Variants in SELENOK observed in about 807,000 individuals in gnomAD.
SELENOK encodes the protein selenoprotein K.
SELENOK carries 11 observed loss-of-function variants against 17.3 expected under a neutral mutation model. That is an observed-to-expected ratio of 0.63 (90% CI 0.40 to 1.05). SELENOK has a LOEUF of 1.05. Among genes scored for constraint, SELENOK ranks in the 50% least tolerant of loss-of-function variants. The pLI is 0.00. For missense variants in SELENOK, 125 were observed against 113.9 expected (o/e 1.10, Z -0.44); for synonymous variants, 45 against 35.4 (o/e 1.27, Z -0.97).
chr3:53,891,375 G>T (rs768462758), intron 1 of SELENOK, among the ~76,000 whole-genome samples: 2 of 152,194 alleles, frequency 1.3e-5, no homozygotes, highest in Non-Finnish European at 2.9e-5. Context: ...TGAATGTGAC[G>T]ATAAGCAAAT....
rs748424200 is a variant in SELENOK, at chr3:53,888,402, A to G, written c.101T>C (p.Val34Ala). 15 of 1,610,836 alleles carry G rather than the reference A, an allele frequency of 9.3e-6. No homozygotes were observed. The East Asian group carries it at 2.9e-4, about 31-fold the overall frequency. ...TDFFWGIAEF[V>A]VLFFKTLLQQ... ...GCTCTTCTATACTTACAACAAAACC[A>G]CAAACTCAGCTATTCCCCAGAAGAA... The change falls in exon 2 of 5, where the codon GTG (valine) becomes GCG (alanine). Residue 34 changes from valine (V) to alanine (A), a missense_variant. Physicochemically the swap from Val to Ala is moderately conservative, Grantham distance 64. Coordinates refer to ENST00000495461, the MANE Select transcript of SELENOK (RefSeq NM_021237.5).
rs1700130765 is a variant in SELENOK, at chr3:53,886,858, C to T, written c.187G>A (p.Gly63Arg). ...GNSSDSRYDD[G>R]RGPPGNPPRR... is the part of the protein sequence containing the mutation. ...CAATTTAAAAAGCTGTACCCTCTTC[C>T]ATCATCATATCTGGAATCAGATGAG... Residue 63 changes from glycine to arginine, a missense_variant, in exon 3 of 5, where the codon GGA becomes AGA. Coordinates refer to ENST00000495461, the MANE Select transcript of SELENOK (RefSeq NM_021237.5). 6.4e-7 allele frequency: 1 copy of T among 1,555,716 alleles called. No homozygotes were observed. Among genetic ancestry groups the T allele is most frequent in the Admixed American group, 1.9e-5 (1 of 52,394 alleles).
intron 1 of SELENOK, among the ~76,000 whole-genome samples, chr3:53,888,764 TATATAAC>T (rs1267585527): frequency 6.6e-6 from 1 of 152,134 alleles, no homozygotes; most frequent in African/African-American, 2.4e-5. Flanking sequence ...TTTCTATAAA[TATATAAC>T]AAAGGCTGGG....
chr3:53,888,408 T>A lies in SELENOK; in HGVS notation c.95A>T (p.Glu32Val). Reference sequence around the variant, plus strand: ...CTATACTTACAACAAAACCACAAACTCAGCTATTCCCCAGAAGAAATCTGT... The same window carrying A: ...CTATACTTACAACAAAACCACAAACACAGCTATTCCCCAGAAGAAATCTGT... ...LITDFFWGIA[E>V]FVVLFFKTLL... Residue 32 changes from glutamate (E) to valine (V), a missense_variant, in exon 2 of 5, where the codon GAG becomes GTG. By Grantham distance (121) the Glu-to-Val change is moderately radical (BLOSUM62 -2). Transcript: ENST00000495461. The A allele has an allele frequency of 6.2e-7, 1 of 1,611,798 alleles. No homozygotes were observed. The highest frequency in any genetic ancestry group is 8.5e-7 in the Non-Finnish European group (1 of 1,178,602).
Position 53,885,245 on chromosome 3 carries a change from G to T in SELENOK, c.*313C>A. The T allele has an allele frequency of 4.4e-6, 1 of 227,910 alleles. No homozygotes were observed. Among genetic ancestry groups the T allele is most frequent in the Non-Finnish European group, 8.4e-6 (1 of 118,818 alleles). 14.1% of individuals were successfully genotyped at this position (227,910 alleles called of 1,614,324 possible). On this transcript the variant is annotated 3_prime_UTR_variant, in exon 5 of 5. Coordinates refer to ENST00000495461, the MANE Select transcript of SELENOK (RefSeq NM_021237.5). ...TTTGTTTTCTTCAGATTGCTTTTTC[G>T]TGAATATAAAGATGAGGAGTCCATT...
At chr3:53,889,481 A>G (rs182990123) in intron 1 of SELENOK, among the ~76,000 whole-genome samples, 1 of 152,366 alleles carries the variant, frequency 6.6e-6, no homozygotes, top group Non-Finnish European at 1.5e-5. Context: ...TTGTATGTAT[A>G]TACTACATTT....
chr3:53,885,675 C>T, intron 4 of SELENOK, 114 bp from the exon 5 acceptor site: 1 of 1,283,604 alleles, frequency 7.8e-7, no homozygotes. Flanking sequence ...GATAACAAGG[C>T]CAGTGAATTT....
intron 2 of SELENOK, among the ~76,000 whole-genome samples, chr3:53,887,307 T>C (rs1167503657): frequency 1.3e-5 from 2 of 152,204 alleles, no homozygotes; most frequent in Non-Finnish European, 2.9e-5. Flanking sequence ...CCAAGGGTGG[T>C]GTGGCAAAGG....
In SELENOK at chr3:53,884,912, A is replaced by G. The variant is rs1700113316; in HGVS notation, c.*646T>C. On this transcript the variant is annotated 3_prime_UTR_variant, in exon 5 of 5. Transcript: ENST00000495461. ...CCACAGTGCTGGGATTACAGGCATG[A>G]GCCACCGCGCCAGGCTGAAGTCCAT... 1 of 152,252 alleles carries G rather than the reference A, an allele frequency of 6.6e-6. No individual in the cohort carries two copies. Among genetic ancestry groups the G allele is most frequent in the African/African-American group, 2.4e-5 (1 of 41,464 alleles). 9.4% of individuals were successfully genotyped at this position (152,252 alleles called of 1,614,324 possible). A position where few individuals can be genotyped will look rare whatever the true frequency, so the allele number is the denominator to read the frequency against.
Position 53,885,065 on chromosome 3 carries a change from A to G in SELENOK, c.*493T>C, listed in dbSNP as rs1700114256. 6.6e-6 allele frequency: 1 copy of G among 152,462 alleles called. No individual in the cohort carries two copies. Among genetic ancestry groups the G allele is most frequent in the Admixed American group, 6.5e-5 (1 of 15,294 alleles). 9.4% of individuals were successfully genotyped at this position (152,462 alleles called of 1,614,324 possible). A position where few individuals can be genotyped will look rare whatever the true frequency, so the allele number is the denominator to read the frequency against. On this transcript the variant is annotated 3_prime_UTR_variant, in exon 5 of 5. Transcript: ENST00000495461. ...AGTGTATTAAAGATTGATGAGACAA[A>G]TATGTTAAAGATAAAAATTAATTCA...
At chr3:53,888,219 T>C in intron 2 of SELENOK, 174 bp downstream of exon 2, 1 of 557,232 alleles carries the variant, frequency 1.8e-6, no homozygotes, top group Non-Finnish European at 3.2e-6. Flanking sequence ...ATAAGCTATC[T>C]GGTGGTAGCA....
At chr3:53,886,718 A>G (rs1700129588) in intron 3 of SELENOK, 133 bp downstream of exon 3, 1 of 510,106 alleles carries the variant, frequency 2.0e-6, no homozygotes. Context: ...CTTTTAATTT[A>G]CAGTAATGCA....
intron 3 of SELENOK, 28 bp downstream of exon 3, chr3:53,886,823 C>A: frequency 7.3e-7 from 1 of 1,374,526 alleles, no homozygotes; most frequent in Non-Finnish European, 9.9e-7. Flanking sequence ...GACATAAAAA[C>A]AACTATTATC....
In SELENOK at chr3:53,885,865, C is replaced by T. The variant is rs376511875; in HGVS notation, c.242G>A (p.Arg81His). The change falls in exon 4 of 5, where the codon CGT (arginine) becomes CAT (histidine). Residue 81 changes from arginine to histidine, a missense_variant. Coordinates refer to ENST00000495461, the MANE Select transcript of SELENOK (RefSeq NM_021237.5). Reference sequence around the variant, plus strand: ...AGCCATTGGAGGGGGACTAGGGCCACGCAGATGATTGATTCTACCCATTCT... The same window carrying T: ...AGCCATTGGAGGGGGACTAGGGCCATGCAGATGATTGATTCTACCCATTCT... ...PRRMGRINHL[R>H]GPSPPPMAGG... 21 of 1,578,638 alleles carry T rather than the reference C, an allele frequency of 1.3e-5. No individual in the cohort carries two copies. Among genetic ancestry groups the T allele is most frequent in the East Asian group, 4.5e-5 (2 of 44,222 alleles).
At chr3:53,889,700 C>G (rs1379912038) in intron 1 of SELENOK, among the ~76,000 whole-genome samples, 1 of 152,222 alleles carries the variant, frequency 6.6e-6, no homozygotes, top group Non-Finnish European at 1.5e-5. Flanking sequence ...TGCAAAGTCT[C>G]TTGCCTGTAT....
rs546499317 is a variant in SELENOK, at chr3:53,888,427, A to T, written c.76T>A (p.Phe26Ile). 2 of 1,612,822 alleles carry T rather than the reference A, an allele frequency of 1.2e-6. No homozygotes were observed. The highest frequency in any genetic ancestry group is 2.7e-5 in the African/African-American group (2 of 75,056). ...SPWRLSLITD[F>I]FWGIAEFVVL... ...ACAAACTCAGCTATTCCCCAGAAGA[A>T]ATCTGTTATCAAAGATAATCTCCAT... Residue 26 changes from phenylalanine to isoleucine, a missense_variant, in exon 2 of 5, where the codon TTC becomes ATC. Physicochemically the swap from Phe to Ile is conservative, Grantham distance 21 (BLOSUM62 0). Coordinates refer to ENST00000495461, the MANE Select transcript of SELENOK (RefSeq NM_021237.5).
In SELENOK at chr3:53,885,900, G is replaced by A. The variant is rs1419619118; in HGVS notation, c.207C>T (p.Asn69=). ...RYDDGRGPPG[N]PPRRMGRINH... Reference sequence around the variant, plus strand: ...TGATTCTACCCATTCTTCGGGGAGGGTTTCCTGGTGGCCTAATAAAATAAA... The same window carrying A: ...TGATTCTACCCATTCTTCGGGGAGGATTTCCTGGTGGCCTAATAAAATAAA... Residue 69 remains asparagine (N), a synonymous_variant, in exon 4 of 5, where the codon AAC becomes AAT. Transcript: ENST00000495461. 4 of 1,532,550 alleles carry A rather than the reference G, an allele frequency of 2.6e-6. No homozygotes were observed. The highest frequency in any genetic ancestry group is 2.3e-5 in the East Asian group (1 of 42,792). The allele number at this position is 1,532,550 out of a possible 1,614,324, so 94.9% of individuals were successfully genotyped here.
intron 2 of SELENOK, among the ~76,000 whole-genome samples, chr3:53,887,355 A>T (rs1700135043): frequency 6.6e-6 from 1 of 152,238 alleles, no homozygotes; most frequent in Non-Finnish European, 1.5e-5. Flanking sequence ...TGGAATTTTT[A>T]AAAATGATAT....
rs1431484011 is a variant in SELENOK, at chr3:53,885,003, A to C, written c.*555T>G. On this transcript the variant is annotated 3_prime_UTR_variant, in exon 5 of 5. Coordinates refer to ENST00000495461, the MANE Select transcript of SELENOK (RefSeq NM_021237.5). ...AGTTTTGTTAGCTATGGTTTTATAA[A>C]TACCCTGATAATTACATTTGGTAGC... The C allele has an allele frequency of 6.6e-6, 1 of 152,274 alleles. No individual in the cohort carries two copies. Among genetic ancestry groups the C allele is most frequent in the Non-Finnish European group, 1.5e-5 (1 of 68,050 alleles). 9.4% of individuals were successfully genotyped at this position (152,274 alleles called of 1,614,324 possible).
Sources: allele counts gnomAD v4.1 joint callset (sites outside exome capture counted in the v4.1 genomes callset), GRCh38; gene constraint gnomAD v4.1.1; transcripts MANE v1.5; gene names NCBI Gene and HGNC (gene_info 2026-07-23, HGNC 2026-07-21).